Variants in NRG3 observed in about 807,000 individuals in gnomAD.
The protein encoded by NRG3 is neuregulin 3, also known as pro-neuregulin-3, membrane-bound isoform.
A neutral mutation model predicts 66.9 loss-of-function variants in NRG3; 31 were observed. That is an observed-to-expected ratio of 0.46 (90% confidence interval 0.35 to 0.63). The LOEUF (loss-of-function observed/expected upper bound fraction) is 0.63. NRG3 is among the 20% of genes least tolerant of loss of function. NRG3 has a pLI of 0.00. For synonymous variants in NRG3, 393 were observed against 359.4 expected, an observed-to-expected ratio of 1.09 and a Z score of -1.06; for missense variants, 910 against 878.9, an observed-to-expected ratio of 1.04 and a Z score of -0.45.
chr10:82,413,143 A>T (rs964628390), intron 2 of NRG3, among the ~76,000 whole-genome samples: 1 of 152,158 alleles, frequency 6.6e-6, no homozygotes, highest in Non-Finnish European at 1.5e-5. Flanking sequence ...TTCAATTTAC[A>T]TTGCCCAGAT....
intron 1 of NRG3, among the ~76,000 whole-genome samples, chr10:81,935,157 A>C (rs1404112889): frequency 2.6e-5 from 4 of 152,182 alleles, no homozygotes; most frequent in African/African-American, 9.7e-5. Flanking sequence ...TAGAGGAACA[A>C]TTTTCCAGAT....
chr10:82,864,034 C>T (rs902672732), intron 3 of NRG3, among the ~76,000 whole-genome samples: 12 of 151,798 alleles, frequency 7.9e-5, no homozygotes, highest in East Asian at 1.9e-4. Flanking sequence ...TAAATGTGAA[C>T]GGTTCATAAG....
intron 1 of NRG3, among the ~76,000 whole-genome samples, chr10:81,958,275 T>C (rs963008076): frequency 2.0e-4 from 31 of 152,148 alleles, no homozygotes; most frequent in African/African-American, 7.0e-4. Context: ...TTTATTCAGA[T>C]CTCCAGGAAG....
intron 1 of NRG3, among the ~76,000 whole-genome samples, chr10:82,216,587 T>TGTGG (rs2075696318): frequency 7.2e-6 from 1 of 138,844 alleles, no homozygotes; most frequent in South Asian, 2.3e-4. Context: ...TGTGTGTGTG[T>TGTGG]GTGTGTGTAT....
chr10:82,518,006 A>G (rs914885396), intron 2 of NRG3, among the ~76,000 whole-genome samples: 1 of 152,162 alleles, frequency 6.6e-6, no homozygotes, highest in Non-Finnish European at 1.5e-5. Flanking sequence ...TTGGGGAAAC[A>G]CATTGGCCAG....
In NRG3 at chr10:82,683,032, C is replaced by G. The variant is rs1284824378; in HGVS notation, c.954-55545C>G. ...GGAGTGCAGTGGCACGATCTCAGCT[C>G]ACTGCAATCTCTGCCTTCCGGGTTC... On this transcript the variant is annotated intron_variant, in intron 2 of 8. Transcript: ENST00000372141. Among the ~76,000 whole-genome samples the G allele has an allele frequency of 5.6e-5, 8 of 143,666 alleles. No individual in the cohort carries two copies. The Admixed American group carries it at 5.7e-4, about 10-fold the overall frequency. 94.3% of individuals were successfully genotyped at this position (143,666 alleles called of 152,430 possible). A position where few individuals can be genotyped will look rare whatever the true frequency, so the allele number is the denominator to read the frequency against.
intron 1 of NRG3, among the ~76,000 whole-genome samples, chr10:81,918,249 A>G (rs1169814369): frequency 6.6e-6 from 1 of 152,144 alleles, no homozygotes; most frequent in Non-Finnish European, 1.5e-5. Flanking sequence ...AAGCTGGCTC[A>G]TGCATTTGTT....
intron 1 of NRG3, among the ~76,000 whole-genome samples, chr10:81,980,581 G>A (rs1564709271): frequency 6.6e-6 from 1 of 152,138 alleles, no homozygotes; most frequent in Non-Finnish European, 1.5e-5. Flanking sequence ...CCATAAGAGG[G>A]CACAGACACT....
chr10:81,915,886 C>T (rs1845660344), intron 1 of NRG3, among the ~76,000 whole-genome samples: 1 of 152,078 alleles, frequency 6.6e-6, no homozygotes, highest in East Asian at 1.9e-4. Flanking sequence ...TTCCTCTGCT[C>T]TTGGTACAGG....
chr10:82,866,398 T>A (rs907401926), intron 4 of NRG3, among the ~76,000 whole-genome samples: 21 of 152,310 alleles, frequency 1.4e-4, no homozygotes, highest in African/African-American at 4.8e-4. Context: ...TTTGACATAT[T>A]TGAGAGACGT....
chr10:82,899,919 T>G lies in NRG3; in HGVS notation c.1054+34482T>G, dbSNP rs1046150304. Reference sequence around the variant, plus strand: ...TAAAGATATTGCACTAGTTTGTTTTTGCATTGCTATAAAGAAACACCTGAG... The same window carrying G: ...TAAAGATATTGCACTAGTTTGTTTTGGCATTGCTATAAAGAAACACCTGAG... On this transcript the variant is annotated intron_variant, in intron 4 of 8. Transcript: ENST00000372141. Among the ~76,000 whole-genome samples the G allele has an allele frequency of 2.6e-5, 4 of 152,340 alleles. No individual in the cohort carries two copies. The South Asian group carries it at 6.2e-4, about 24-fold the overall frequency.
intron 1 of NRG3, among the ~76,000 whole-genome samples, chr10:82,296,055 T>C (rs1283484333): frequency 3.3e-5 from 5 of 152,144 alleles, no homozygotes; most frequent in Non-Finnish European, 4.4e-5. Context: ...CAGGCTTTCC[T>C]GAGGAAGTAA....
intron 3 of NRG3, among the ~76,000 whole-genome samples, chr10:82,847,693 C>G (rs926226287): frequency 6.6e-6 from 1 of 152,128 alleles, no homozygotes; most frequent in Non-Finnish European, 1.5e-5. Context: ...CATTTCCTCA[C>G]CTGAGACTGA....
intron 1 of NRG3, among the ~76,000 whole-genome samples, chr10:82,330,598 T>C (rs2135266022): frequency 6.6e-6 from 1 of 152,318 alleles, no homozygotes; most frequent in Admixed American, 6.5e-5. Context: ...TGATTTAGGA[T>C]GTTTTCTTTA....
chr10:81,963,860 T>A (rs1011374888), intron 1 of NRG3, among the ~76,000 whole-genome samples: 1 of 152,210 alleles, frequency 6.6e-6, no homozygotes, highest in African/African-American at 2.4e-5. Flanking sequence ...TGGGATGTTA[T>A]TAGTCATGTA....
intron 2 of NRG3, among the ~76,000 whole-genome samples, chr10:82,372,382 A>G (rs967278018): frequency 7.9e-5 from 12 of 152,186 alleles, no homozygotes; most frequent in Non-Finnish European, 1.8e-4. Flanking sequence ...GACATTTTTA[A>G]TTTCTTTCAC....
intron 1 of NRG3, among the ~76,000 whole-genome samples, chr10:82,026,593 T>C (rs2062319196): frequency 6.6e-6 from 1 of 152,042 alleles, no homozygotes; most frequent in African/African-American, 2.4e-5. Flanking sequence ...CTCCAATTTA[T>C]ATATTACCTA....
intron 3 of NRG3, among the ~76,000 whole-genome samples, chr10:82,806,728 A>G (rs2061300835): frequency 6.6e-6 from 1 of 152,214 alleles, no homozygotes; most frequent in Admixed American, 6.5e-5. Context: ...CCAGATACGT[A>G]GAGAAGATGA....
At chr10:82,792,692 AT>A (rs1376527272) in intron 3 of NRG3, among the ~76,000 whole-genome samples, 2 of 151,406 alleles carry the variant, frequency 1.3e-5, no homozygotes, top group African/African-American at 2.4e-5. Flanking sequence ...TTATTTATTT[AT>A]TTTTTTGACG....
Sources: gnomAD v4.1 joint callset for allele counts (sites outside exome capture counted in the v4.1 genomes callset) on GRCh38, gnomAD v4.1.1 for gene constraint, MANE v1.5 for transcripts, NCBI Gene and HGNC (gene_info 2026-07-23, HGNC 2026-07-21) for gene names.